The following SPOCK1 variants were observed in gnomAD, a reference collection of about 807,000 sequenced individuals.
The protein encoded by SPOCK1 is SPARC (osteonectin), cwcv and kazal like domains proteoglycan 1.
SPOCK1 carries 23 observed loss-of-function variants against 55.3 expected under a neutral mutation model. The observed-to-expected ratio is 0.42, with a 90% confidence interval of 0.30 to 0.59. The LOEUF is 0.59. Among genes scored for constraint, SPOCK1 ranks in the 20% least tolerant of loss-of-function variants. The pLI is 0.22. For missense variants in SPOCK1, 499 were observed against 552.5 expected, an observed-to-expected ratio of 0.90 and a Z score of 0.97; for synonymous variants, 226 against 221.0, an observed-to-expected ratio of 1.02 and a Z score of -0.20.
At chr5:137,175,023 T>C (rs1488425413) in intron 3 of SPOCK1, among the ~76,000 whole-genome samples, 6 of 152,160 alleles carry the variant, frequency 3.9e-5, no homozygotes, top group Non-Finnish European at 5.9e-5. Context: ...GCAGAACCAC[T>C]CTCACTCATT....
intron 2 of SPOCK1, among the ~76,000 whole-genome samples, chr5:137,320,582 A>C (rs1757963253): frequency 1.3e-5 from 2 of 152,262 alleles, no homozygotes. Context: ...GCTCAATGCC[A>C]GAAAAAGCGC....
chr5:137,379,231 A>C (rs894527220), intron 2 of SPOCK1, among the ~76,000 whole-genome samples: 29 of 124,908 alleles, frequency 2.3e-4, no homozygotes, highest in Non-Finnish European at 6.5e-5. Context: ...TTGGCCCTGC[A>C]TGGAACTAAT....
At chr5:137,295,734 A>G (rs1050639301) in intron 2 of SPOCK1, among the ~76,000 whole-genome samples, 1 of 146,778 alleles carries the variant, frequency 6.8e-6, no homozygotes, top group Non-Finnish European at 1.5e-5. Flanking sequence ...AAAAAAAAAA[A>G]TACATATTAT....
intron 6 of SPOCK1, among the ~76,000 whole-genome samples, chr5:137,062,799 C>G (rs1752418951): frequency 6.6e-6 from 1 of 152,042 alleles, no homozygotes; most frequent in Non-Finnish European, 1.5e-5. Flanking sequence ...CTCTTTTTAA[C>G]TGTGTTTTCC....
intron 2 of SPOCK1, among the ~76,000 whole-genome samples, chr5:137,481,821 T>C (rs1175485225): frequency 6.6e-6 from 1 of 152,218 alleles, no homozygotes; most frequent in African/African-American, 2.4e-5. Context: ...TTCTTCCCTG[T>C]CTTCCATTCC....
chr5:137,141,224 T>C (rs950072582), intron 3 of SPOCK1, among the ~76,000 whole-genome samples: 9 of 152,196 alleles, frequency 5.9e-5, no homozygotes, highest in Admixed American at 1.3e-4. Flanking sequence ...AGCAATTCCT[T>C]TGTGCTTTGG....
At chr5:137,044,492 G>A (rs888597155) in intron 6 of SPOCK1, among the ~76,000 whole-genome samples, 5 of 152,292 alleles carry the variant, frequency 3.3e-5, no homozygotes, top group African/African-American at 2.4e-5. Flanking sequence ...TTGCCAGATG[G>A]AAGAATTTGA....
At chr5:137,270,066 C>A (rs1669383130) in intron 2 of SPOCK1, among the ~76,000 whole-genome samples, 1 of 152,212 alleles carries the variant, frequency 6.6e-6, no homozygotes, top group Admixed American at 6.5e-5. Flanking sequence ...GGCACGATCC[C>A]AGTGCTGTGT....
At chr5:137,182,626 T>G (rs1754991964) in intron 3 of SPOCK1, among the ~76,000 whole-genome samples, 1 of 152,118 alleles carries the variant, frequency 6.6e-6, no homozygotes, top group Non-Finnish European at 1.5e-5. Context: ...ACTAAACCTC[T>G]GGGTCAGCAG....
intron 2 of SPOCK1, among the ~76,000 whole-genome samples, chr5:137,309,063 T>C (rs971596660): frequency 3.9e-5 from 6 of 152,206 alleles, no homozygotes; most frequent in African/African-American, 1.4e-4. Context: ...TTGATTATTC[T>C]GTAATGAGTA....
Position 137,334,159 on chromosome 5 carries a change from T to C in SPOCK1, c.187-67104A>G, listed in dbSNP as rs543751458. On this transcript the variant is annotated intron_variant, in intron 2 of 10. Coordinates refer to ENST00000394945, the MANE Select transcript of SPOCK1 (RefSeq NM_004598.4). The stretch of plus-strand genomic sequence containing the variant: ...CGCTGTCTTCACAAGAGTACACAGA[T>C]TGCATGAGACAGACTTGCCTCAAAA... 1.4e-4 allele frequency among the ~76,000 whole-genome samples: 21 copies of C among 152,296 alleles called. No individual in the cohort carries two copies. In the South Asian group the frequency reaches 2.3e-3, roughly 17 times the overall value.
intron 2 of SPOCK1, among the ~76,000 whole-genome samples, chr5:137,466,471 C>A (rs1307836686): frequency 1.3e-5 from 2 of 152,160 alleles, no homozygotes; most frequent in African/African-American, 4.8e-5. Context: ...AAGTCAGGAG[C>A]CCTGGTCTTT....
chr5:137,413,838 T>A (rs1158011687), intron 2 of SPOCK1, among the ~76,000 whole-genome samples: 1 of 152,164 alleles, frequency 6.6e-6, no homozygotes, highest in Admixed American at 6.5e-5. Flanking sequence ...CCTGTTCCCA[T>A]CAACAACTAG....
intron 2 of SPOCK1, among the ~76,000 whole-genome samples, chr5:137,294,508 C>T (rs184593735): frequency 1.3e-5 from 2 of 152,376 alleles, no homozygotes; most frequent in African/African-American, 4.8e-5. Context: ...CATCACAACA[C>T]ACTGCCTCCA....
chr5:137,180,086 T>C (rs1409375940), intron 3 of SPOCK1, among the ~76,000 whole-genome samples: 1 of 152,110 alleles, frequency 6.6e-6, no homozygotes, highest in African/African-American at 2.4e-5. Flanking sequence ...AGCCATTGAG[T>C]AGCTGAATGG....
At chr5:137,257,215 G>A (rs750067892) in intron 3 of SPOCK1, among the ~76,000 whole-genome samples, 1 of 152,198 alleles carries the variant, frequency 6.6e-6, no homozygotes, top group Non-Finnish European at 1.5e-5. Flanking sequence ...AGTAATGACT[G>A]ACATTTCCTT....
intron 6 of SPOCK1, among the ~76,000 whole-genome samples, chr5:137,020,010 C>T (rs1012249313): frequency 3.3e-5 from 5 of 151,650 alleles, no homozygotes; most frequent in Admixed American, 6.6e-5. Context: ...GTAAAGTATG[C>T]ATGCCAAAAT....
chr5:137,072,298 G>C (rs1298362795), intron 5 of SPOCK1, among the ~76,000 whole-genome samples: 1 of 152,142 alleles, frequency 6.6e-6, no homozygotes, highest in African/African-American at 2.4e-5. Context: ...TGAGAAACTA[G>C]GAAATAAGTT....
intron 2 of SPOCK1, among the ~76,000 whole-genome samples, chr5:137,432,948 T>C (rs1752780970): frequency 6.6e-6 from 1 of 152,118 alleles, no homozygotes; most frequent in Admixed American, 6.5e-5. Flanking sequence ...TAGATGAACA[T>C]ATCTAAAAGG....
Sources: gnomAD v4.1 joint callset for allele counts (sites outside exome capture counted in the v4.1 genomes callset) on GRCh38, gnomAD v4.1.1 for gene constraint, MANE v1.5 for transcripts, NCBI Gene and HGNC (gene_info 2026-07-23, HGNC 2026-07-21) for gene names.